GAD2: variants seen among roughly 807,000 people sequenced by gnomAD.
GAD2 encodes the protein glutamate decarboxylase 2.
In GAD2, 22 loss-of-function variants were observed where a neutral mutation model predicts 80.1. The observed-to-expected ratio is 0.27, with a 90% confidence interval of 0.20 to 0.39. The LOEUF (loss-of-function observed/expected upper bound fraction) is 0.39. Among genes scored for constraint, GAD2 ranks in the 10% least tolerant of loss-of-function variants. The pLI is 1.00. For missense variants in GAD2, 624 were observed against 738.4 expected (o/e 0.85, Z 1.80); for synonymous variants, 274 against 256.9 (o/e 1.07, Z -0.64).
Position 26,245,982 on chromosome 10 carries a change from T to C in GAD2, c.902T>C (p.Leu301Pro). 4 of 1,614,068 alleles carry C rather than the reference T, an allele frequency of 2.5e-6. No homozygotes were observed. Among genetic ancestry groups the C allele is most frequent in the Non-Finnish European group, 3.4e-6 (4 of 1,179,930 alleles). The change falls in exon 8 of 16, where the codon CTG becomes CCG. Residue 301 changes from leucine to proline, a missense_variant. Physicochemically the swap from Leu to Pro is moderately conservative, Grantham distance 98. Transcript: ENST00000376261. Reference protein sequence around the residue: ...ALGIGTDSVILIKCDERGKMI... With the variant: ...ALGIGTDSVIPIKCDERGKMI... The stretch of plus-strand genomic sequence containing the variant: ...GGGATTGGAACAGACAGCGTGATTC[T>C]GATTAAATGTGATGAGAGGTGAGCA...
intron 4 of GAD2, among the ~76,000 whole-genome samples, chr10:26,222,972 C>T (rs770283518): frequency 7.9e-5 from 12 of 152,340 alleles, no homozygotes; most frequent in African/African-American, 2.2e-4. Flanking sequence ...ACGGACCTAT[C>T]GATGACAGGC....
chr10:26,295,336 C>G (rs893656177), intron 15 of GAD2, among the ~76,000 whole-genome samples: 1 of 152,130 alleles, frequency 6.6e-6, no homozygotes, highest in Non-Finnish European at 1.5e-5. Flanking sequence ...TTACTGTAAT[C>G]AAGAGAATTC....
chr10:26,300,918 A>G lies in GAD2; in HGVS notation c.1715A>G (p.Asp572Gly). 1 of 1,614,014 alleles carries G rather than the reference A, an allele frequency of 6.2e-7. No homozygotes were observed. Among genetic ancestry groups the G allele is most frequent in the Non-Finnish European group, 8.5e-7 (1 of 1,179,896 alleles). ...CCAGCGGCAACTCACCAAGACATTG[A>G]CTTCCTGATTGAAGAAATAGAACGC... is the stretch of plus-strand genomic sequence containing the variant. ...SNPAATHQDIDFLIEEIERLG... is the reference protein window; with the variant it reads ...SNPAATHQDIGFLIEEIERLG... The change falls in exon 16 of 16, where the codon GAC (aspartate) becomes GGC (glycine). Residue 572 changes from aspartate (D) to glycine (G), a missense_variant. Coordinates refer to ENST00000376261, the MANE Select transcript of GAD2 (RefSeq NM_001134366.2).
chr10:26,238,888 G>A (rs1844707484), intron 7 of GAD2, among the ~76,000 whole-genome samples: 2 of 152,092 alleles, frequency 1.3e-5, no homozygotes, highest in Admixed American at 1.3e-4. Flanking sequence ...AGGGTGTACT[G>A]TATAGGAGCA....
rs1162021168 is a variant in GAD2 at position 26,300,913 on chromosome 10, C to T, written c.1710C>T (p.Asp570=). The change falls in exon 16 of 16, where the codon GAC becomes GAT. Residue 570 remains aspartate, a synonymous_variant. Transcript: ENST00000376261. Reference sequence around the variant, plus strand: ...CAAACCCAGCGGCAACTCACCAAGACATTGACTTCCTGATTGAAGAAATAG... The same window carrying T: ...CAAACCCAGCGGCAACTCACCAAGATATTGACTTCCTGATTGAAGAAATAG... The part of the protein sequence containing the change: ...VISNPAATHQ[D]IDFLIEEIER... 1 of 1,614,002 alleles carries T rather than the reference C, an allele frequency of 6.2e-7. No individual in the cohort carries two copies. Among genetic ancestry groups the T allele is most frequent in the Admixed American group, 1.7e-5 (1 of 60,012 alleles).
chr10:26,253,782 T>G (rs769166131), intron 8 of GAD2, among the ~76,000 whole-genome samples: 3 of 152,188 alleles, frequency 2.0e-5, no homozygotes, highest in Non-Finnish European at 2.9e-5. Context: ...CATCCAGTTC[T>G]GCAACTAGGG....
chr10:26,281,134 CT>C, intron 12 of GAD2, 47 bp downstream of exon 12: 1 of 1,357,856 alleles, frequency 7.4e-7, no homozygotes, highest in Non-Finnish European at 1.1e-6. Flanking sequence ...TGGGCTTTGA[CT>C]GTCTTTATGC....
At chr10:26,234,897 G>A (rs1363799531) in intron 7 of GAD2, among the ~76,000 whole-genome samples, 1 of 151,656 alleles carries the variant, frequency 6.6e-6, no homozygotes, top group African/African-American at 2.4e-5. Context: ...TTTTGAGATG[G>A]AATCTCTCTC....
In GAD2 at chr10:26,216,875, T is replaced by G; in HGVS notation, c.66T>G (p.Asn22Lys). Residue 22 changes from asparagine to lysine, a missense_variant, in exon 1 of 16, where the codon AAT becomes AAG. Coordinates refer to ENST00000376261, the MANE Select transcript of GAD2 (RefSeq NM_001134366.2). The surrounding 1 kb of genome is among the most constrained non-coding windows in gnomAD (Gnocchi z 4.7). ...GSEDGSGDSE[N>K]PGTARAWCQV... is the part of the protein sequence containing the mutation. ...AAGATGGCTCTGGGGATTCCGAGAA[T>G]CCCGGCACAGGTAGGAAGGAGAACG... 1 of 1,611,132 alleles carries G rather than the reference T, an allele frequency of 6.2e-7. No homozygotes were observed.
At position 26,237,449 on chromosome 10, in the gene GAD2, G is replaced by A. The variant is rs113291438; in HGVS notation, c.840+7672G>A. 1.5e-3 allele frequency among the ~76,000 whole-genome samples: 221 copies of A among 152,126 alleles called. 2 individuals are homozygous for A. The highest frequency in any genetic ancestry group is 4.5e-3 in the African/African-American group (186 of 41,500). On this transcript the variant is annotated intron_variant, in intron 7 of 15. Coordinates refer to ENST00000376261, the MANE Select transcript of GAD2 (RefSeq NM_001134366.2). ...GAGGATGAAGCAAGATGATACATGG[G>A]AAGGGTAGTGCACTGCGCATGGCTC... is the stretch of plus-strand genomic sequence containing the variant.
In GAD2 at chr10:26,217,610, C is replaced by T. The variant is rs990840170; in HGVS notation, c.77C>T (p.Ala26Val). Residue 26 changes from alanine to valine, a missense_variant and splice_region_variant, in exon 2 of 16, where the codon GCG becomes GTG. Ala to Val is a moderately conservative substitution (Grantham distance 64, BLOSUM62 0). Transcript: ENST00000376261. This position sits in a 1 kb window ranked among gnomAD's most constrained non-coding sequence, Gnocchi z 4.9. ...GSGDSENPGT[A>V]RAWCQVAQKF... ...TCTGCCTGCCTATTCTTCCTTGCAG[C>T]GCGAGCCTGGTGCCAAGTGGCTCAG... The T allele has an allele frequency of 1.4e-5, 23 of 1,612,304 alleles. No individual in the cohort carries two copies. Among genetic ancestry groups the T allele is most frequent in the Non-Finnish European group, 1.9e-5 (22 of 1,179,260 alleles).
chr10:26,228,121 C>G (rs972086798), intron 6 of GAD2, among the ~76,000 whole-genome samples: 2 of 152,230 alleles, frequency 1.3e-5, no homozygotes, highest in African/African-American at 4.8e-5. Flanking sequence ...GGGTGTTCCC[C>G]TTGGTCAGGA....
Position 26,229,745 on chromosome 10 carries a change from C to T in GAD2, c.808C>T (p.Leu270Phe). 2 of 1,613,900 alleles carry T rather than the reference C, an allele frequency of 1.2e-6. No homozygotes were observed. The highest frequency in any genetic ancestry group is 1.7e-6 in the Non-Finnish European group (2 of 1,179,784). ...PEVKEKGMAALPRLIAFTSEH... is the reference protein window; with the variant it reads ...PEVKEKGMAAFPRLIAFTSEH... ...AGTCAAGGAGAAAGGAATGGCTGCT[C>T]TTCCCAGGCTCATTGCCTTCACGTC... Residue 270 changes from leucine (L) to phenylalanine (F), a missense_variant, in exon 7 of 16, where the codon CTT (leucine) becomes TTT (phenylalanine). Physicochemically the swap from Leu to Phe is conservative, Grantham distance 22 (BLOSUM62 0). Transcript: ENST00000376261.
chr10:26,229,355 A>G (rs1401746425), intron 6 of GAD2, among the ~76,000 whole-genome samples: 2 of 152,086 alleles, frequency 1.3e-5, no homozygotes, highest in Non-Finnish European at 2.9e-5. Flanking sequence ...GACCATGCTC[A>G]CAAGCTGGGA....
chr10:26,245,442 AT>A (rs141717289), intron 7 of GAD2, among the ~76,000 whole-genome samples: 47 of 147,706 alleles, frequency 3.2e-4, no homozygotes, highest in Middle Eastern at 3.4e-3. Context: ...TTTTACCACA[AT>A]TTTTTTTTTT....
chr10:26,273,614 T>C, intron 10 of GAD2, 22 bp from the exon 11 acceptor site: 1 of 1,606,678 alleles, frequency 6.2e-7, no homozygotes, highest in South Asian at 1.1e-5. Flanking sequence ...GCTACCATTT[T>C]CCTCATATGA....
chr10:26,277,444 G>A (rs768327308), intron 11 of GAD2, among the ~76,000 whole-genome samples: 8 of 152,180 alleles, frequency 5.3e-5, no homozygotes, highest in Non-Finnish European at 1.2e-4. Context: ...TCCTTGGGGC[G>A]ACAAAACCCA....
intron 11 of GAD2, among the ~76,000 whole-genome samples, chr10:26,274,454 A>G (rs953764514): frequency 6.6e-6 from 1 of 152,244 alleles, no homozygotes; most frequent in Non-Finnish European, 1.5e-5. Flanking sequence ...TCTCATCACA[A>G]CATGGCAGGT....
intron 7 of GAD2, among the ~76,000 whole-genome samples, chr10:26,239,554 T>C (rs144730145): frequency 4.6e-5 from 7 of 152,384 alleles, no homozygotes; most frequent in African/African-American, 1.7e-4. Context: ...TCAACAAATA[T>C]TTTGTCAATT....
Sources: allele counts gnomAD v4.1 joint callset (sites outside exome capture counted in the v4.1 genomes callset), GRCh38; gene constraint gnomAD v4.1.1; non-coding constraint Gnocchi (gnomAD v3.1); transcripts MANE v1.5; gene names NCBI Gene and HGNC (gene_info 2026-07-23, HGNC 2026-07-21).